BRF1: variants seen among roughly 807,000 people sequenced by gnomAD.
BRF1 encodes the protein transcription factor IIIB 90 kDa subunit.
A neutral mutation model predicts 81.7 loss-of-function variants in BRF1; 59 were observed. The observed-to-expected ratio is 0.72, with a 90% CI of 0.59 to 0.90. The LOEUF is 0.90. Ranked by LOEUF, BRF1 falls within the 40% of genes least tolerant of loss-of-function variation. The pLI is 0.00. For missense variants in BRF1, 1,050 were observed against 936.3 expected (o/e 1.12, Z -1.58); for synonymous variants, 491 against 395.6 (o/e 1.24, Z -2.86).
At chr14:105,306,337 T>G (rs2140655474) in intron 1 of BRF1, among the ~76,000 whole-genome samples, 1 of 152,160 alleles carries the variant, frequency 6.6e-6, no homozygotes, top group African/African-American at 2.4e-5. Context: ...ACAGTCTTGC[T>G]CTGTCCCCCA....
chr14:105,241,028 G>A (rs930894168), intron 6 of BRF1, among the ~76,000 whole-genome samples: 14 of 152,196 alleles, frequency 9.2e-5, no homozygotes, highest in African/African-American at 2.4e-4. Context: ...GGTCAAGGCC[G>A]CTCTGCCCTG....
chr14:105,315,551 G>A (rs1031269966), upstream of BRF1: 1 of 152,302 alleles, frequency 6.6e-6, no homozygotes, highest in Non-Finnish European at 1.5e-5. This position sits in a 1 kb window ranked among gnomAD's most constrained non-coding sequence, Gnocchi z 4.4. Context: ...GTCCTCGCGG[G>A]TACCTGGTTG....
upstream of BRF1, among the ~76,000 whole-genome samples, chr14:105,303,881 T>A (rs750540041): frequency 6.6e-6 from 1 of 152,226 alleles, no homozygotes; most frequent in Non-Finnish European, 1.5e-5. Flanking sequence ...TTGTCTCCAT[T>A]TTATGGAGGG....
chr14:105,305,922 C>T (rs981389126), upstream of BRF1, among the ~76,000 whole-genome samples: 1 of 152,242 alleles, frequency 6.6e-6, no homozygotes, highest in African/African-American at 2.4e-5. Flanking sequence ...CCAAAGAGGA[C>T]GCTGGAAACG....
chr14:105,297,577 GAGAA>G (rs1307083115), intron 1 of BRF1, among the ~76,000 whole-genome samples: 3 of 151,768 alleles, frequency 2.0e-5, no homozygotes, highest in Admixed American at 6.6e-5. Flanking sequence ...CTCAAAAAAA[GAGAA>G]AGAAAGAAAA....
chr14:105,248,601 C>A (rs1369485189), intron 5 of BRF1: 1 of 961,642 alleles, frequency 1.0e-6, no homozygotes, highest in African/African-American at 1.9e-5. Context: ...CGGCGCCCCC[C>A]GCGGCCGGGC....
At chr14:105,215,953 G>A (rs1057316632) in intron 15 of BRF1, among the ~76,000 whole-genome samples, 28 of 109,372 alleles carry the variant, frequency 2.6e-4, no homozygotes, top group Admixed American at 6.3e-4. Flanking sequence ...ACAGACACAG[G>A]CACACACACA....
At chr14:105,248,602 G>GCGGCCGGGCC in intron 5 of BRF1, 1 of 963,706 alleles carries the variant, frequency 1.0e-6, no homozygotes, top group Non-Finnish European at 1.2e-6. Context: ...GGCGCCCCCC[G>GCGGCCGGGCC]CGGCCGGGCC....
intron 6 of BRF1, among the ~76,000 whole-genome samples, chr14:105,229,397 A>G (rs77589781): frequency 0.012 from 1,778 of 152,340 alleles, 44 homozygotes; most frequent in African/African-American, 0.04. Context: ...GGTGGACTGA[A>G]TCCTGCAGCG....
At chr14:105,226,934 C>A (rs1387266145) in intron 7 of BRF1, 174 bp from the exon 8 acceptor site, 2 of 756,092 alleles carry the variant, frequency 2.6e-6, no homozygotes, top group Non-Finnish European at 4.1e-6. Flanking sequence ...CACAGTGAGA[C>A]TCTGTCTCTA....
chr14:105,217,788 A>C lies in BRF1; in HGVS notation c.1528T>G (p.Cys510Gly), dbSNP rs747996320. 1 of 1,611,874 alleles carries C rather than the reference A, an allele frequency of 6.2e-7. No individual in the cohort carries two copies. Among genetic ancestry groups the C allele is most frequent in the Non-Finnish European group, 8.5e-7 (1 of 1,179,178 alleles). Residue 510 changes from cysteine to glycine, a missense_variant, in exon 15 of 18, where the codon TGC (cysteine) becomes GGC (glycine). Physicochemically the swap from Cys to Gly is radical, Grantham distance 159. This residue lies in a region of BRF1 where 1,043 missense variants were observed against 915.4 expected (regional missense o/e 1.14). Transcript: ENST00000547530. ...IYKEHKPKKS[C>G]KRREPIQAST... ...GCCTGAATTGGCTCCCGTCGCTTGCAAGACTTCTTGGGCTTGAGGGAAACA... is the reference window on the plus strand; with the variant it reads ...GCCTGAATTGGCTCCCGTCGCTTGCCAGACTTCTTGGGCTTGAGGGAAACA...
chr14:105,308,984 GA>G (rs767759347), intron 1 of BRF1, among the ~76,000 whole-genome samples: 2 of 149,988 alleles, frequency 1.3e-5, no homozygotes, highest in African/African-American at 4.9e-5. Context: ...GAAAACAAAA[GA>G]AAAAAAAAGA....
chr14:105,228,034 C>CG (rs1166893500), intron 7 of BRF1: 1 of 152,160 alleles, frequency 6.6e-6, no homozygotes, highest in Non-Finnish European at 1.5e-5. Context: ...CCAGCAAAGC[C>CG]GGGGTGCAAA....
chr14:105,279,863 T>C (rs1044922784), intron 2 of BRF1, among the ~76,000 whole-genome samples: 1 of 152,098 alleles, frequency 6.6e-6, no homozygotes, highest in Non-Finnish European at 1.5e-5. Context: ...AAATACTACA[T>C]TGCAATAAAA....
intron 15 of BRF1, chr14:105,212,806 T>C (rs985194475): frequency 6.6e-6 from 1 of 152,418 alleles, no homozygotes; most frequent in East Asian, 1.9e-4. Context: ...GGCAGAGCCC[T>C]TCCCTCCAGG....
At chr14:105,245,525 G>A (rs587756186) in intron 5 of BRF1, among the ~76,000 whole-genome samples, 119 of 152,182 alleles carry the variant, frequency 7.8e-4, no homozygotes, top group African/African-American at 2.7e-3. Flanking sequence ...AAGTCCAACA[G>A]CCAGTATGGT....
chr14:105,305,982 C>G (rs1282097305), upstream of BRF1, among the ~76,000 whole-genome samples: 1 of 152,248 alleles, frequency 6.6e-6, no homozygotes, highest in Non-Finnish European at 1.5e-5. Context: ...GTGGGCTTGC[C>G]CCTAGACCTG....
intron 3 of BRF1, among the ~76,000 whole-genome samples, chr14:105,268,887 G>A (rs184268817): frequency 1.3e-5 from 2 of 152,168 alleles, no homozygotes; most frequent in Non-Finnish European, 2.9e-5. Flanking sequence ...GCCCTGTCTC[G>A]GAGAAGAGAG....
intron 10 of BRF1, among the ~76,000 whole-genome samples, chr14:105,223,950 C>G (rs982184074): frequency 6.6e-6 from 1 of 152,216 alleles, no homozygotes; most frequent in Admixed American, 6.5e-5. Context: ...TAAACTAACC[C>G]AATAATGCCG....
Sources: allele counts gnomAD v4.1 joint callset (sites outside exome capture counted in the v4.1 genomes callset), GRCh38; gene constraint gnomAD v4.1.1; regional missense constraint gnomAD v4.1.1; non-coding constraint Gnocchi (gnomAD v3.1); transcripts MANE v1.5; gene names NCBI Gene and HGNC (gene_info 2026-07-23, HGNC 2026-07-21).